CLASP1: variants seen among roughly 807,000 people sequenced by gnomAD.
The protein encoded by CLASP1 is CLIP-associating protein 1.
Under a neutral mutation model 192.3 loss-of-function variants are expected in CLASP1, and 38 were observed. The observed-to-expected ratio is 0.20, with a 90% CI of 0.15 to 0.26. The LOEUF is 0.26. Among genes scored for constraint, CLASP1 ranks in the 10% least tolerant of loss-of-function variants. The probability of loss-of-function intolerance (pLI) is 1.00; values close to 1 mark genes in which losing one functional copy is unlikely to be tolerated. For synonymous variants in CLASP1, 691 were observed against 712.8 expected (o/e 0.97, Z 0.49); for missense variants, 1,433 against 1,932.5 (o/e 0.74, Z 4.85).
intron 16 of CLASP1, 151 bp downstream of exon 16, chr2:121,450,762 A>T (rs887508221): frequency 3.4e-6 from 2 of 581,540 alleles, no homozygotes; most frequent in Admixed American, 6.5e-5. Flanking sequence ...AAAAGAGAGA[A>T]ATATTCCAAA....
At chr2:121,404,533 C>G in intron 25 of CLASP1, 99 bp from the exon 27 acceptor site, 1 of 1,053,326 alleles carries the variant, frequency 9.5e-7, no homozygotes, top group Non-Finnish European at 1.4e-6. Flanking sequence ...GTGGTGCGAT[C>G]ATAGCTCACT....
At chr2:121,553,530 G>A (rs958103624) in intron 2 of CLASP1, among the ~76,000 whole-genome samples, 2 of 134,466 alleles carry the variant, frequency 1.5e-5, no homozygotes, top group Non-Finnish European at 3.2e-5. Flanking sequence ...GGTGAAACCT[G>A]TCTCCACTAA....
chr2:121,639,603 G>A (rs1038744768), intron 1 of CLASP1, among the ~76,000 whole-genome samples: 4 of 152,238 alleles, frequency 2.6e-5, no homozygotes, highest in African/African-American at 9.6e-5. Context: ...GCTCACACCT[G>A]TAATCCCAGC....
intron 8 of CLASP1, among the ~76,000 whole-genome samples, chr2:121,478,812 C>CACACA (rs2092132995): frequency 6.0e-5 from 2 of 33,448 alleles, no homozygotes; most frequent in Non-Finnish European, 1.4e-4. Flanking sequence ...ACACACACAC[C>CACACA]CCACACACAA....
At chr2:121,582,295 A>G (rs868326952) in intron 2 of CLASP1, among the ~76,000 whole-genome samples, 5 of 145,680 alleles carry the variant, frequency 3.4e-5, no homozygotes, top group Admixed American at 1.4e-4. Context: ...GAGAGAGAGA[A>G]AGAGAAAGGG....
intron 7 of CLASP1, among the ~76,000 whole-genome samples, chr2:121,506,868 A>AG (rs1295254113): frequency 1.3e-5 from 2 of 152,228 alleles, no homozygotes; most frequent in African/African-American, 2.4e-5. Context: ...CATATAACAA[A>AG]GAACAAAGAC....
intron 2 of CLASP1, chr2:121,531,060 TA>T: frequency 1.4e-6 from 1 of 696,316 alleles, no homozygotes; most frequent in South Asian, 1.5e-5. Flanking sequence ...AATTCGTAAA[TA>T]AACTAGTACT....
chr2:121,424,604 T>C (rs997215806), intron 22 of CLASP1, among the ~76,000 whole-genome samples: 3 of 152,212 alleles, frequency 2.0e-5, no homozygotes, highest in African/African-American at 7.2e-5. Flanking sequence ...AGAAACTAAG[T>C]AACACAAAAC....
intron 27 of CLASP1, 25 bp downstream of exon 28, chr2:121,401,843 T>C (rs745980137): frequency 1.3e-6 from 1 of 759,690 alleles, no homozygotes; most frequent in East Asian, 2.5e-5. Context: ...AGAAAACAGA[T>C]AAAGGAAAAA....
intron 34 of CLASP1, among the ~76,000 whole-genome samples, chr2:121,374,066 C>G (rs1162521464): frequency 6.6e-6 from 1 of 152,252 alleles, no homozygotes; most frequent in East Asian, 1.9e-4. Flanking sequence ...TTGGCAGCCC[C>G]TCCCATCACA....
At chr2:121,592,299 A>G (rs2062497451) in intron 2 of CLASP1, among the ~76,000 whole-genome samples, 1 of 152,182 alleles carries the variant, frequency 6.6e-6, no homozygotes, top group Non-Finnish European at 1.5e-5. Context: ...ATTTATGAAA[A>G]CTTTCAGGTA....
At chr2:121,409,768 G>T (rs2077430686) in intron 24 of CLASP1, among the ~76,000 whole-genome samples, 1 of 152,176 alleles carries the variant, frequency 6.6e-6, no homozygotes, top group African/African-American at 2.4e-5. Flanking sequence ...AGATAATTCT[G>T]TTCCAGCTCT....
In CLASP1 at chr2:121,370,613, C is replaced by A. The variant is rs539389772; in HGVS notation, c.3643-2782G>T. Among the ~76,000 whole-genome samples, 6 of 152,318 alleles carry A rather than the reference C, an allele frequency of 3.9e-5. No homozygotes were observed. In the South Asian group the frequency reaches 1.2e-3, roughly 32 times the overall value. On this transcript the variant is annotated intron_variant, in intron 34 of 39. Transcript: ENST00000263710. ...GTGCTGGGATTACCAGCATGAGTCACCATGCCTGGTCCATTCTTCGATTTT... is the reference window on the plus strand; with the variant it reads ...GTGCTGGGATTACCAGCATGAGTCAACATGCCTGGTCCATTCTTCGATTTT...
At chr2:121,583,495 T>C (rs2061420925) in intron 2 of CLASP1, among the ~76,000 whole-genome samples, 1 of 152,224 alleles carries the variant, frequency 6.6e-6, no homozygotes, top group African/African-American at 2.4e-5. Flanking sequence ...GGTGATTATC[T>C]TCATGATGTT....
intron 1 of CLASP1, among the ~76,000 whole-genome samples, chr2:121,621,580 A>G (rs2106112827): frequency 6.6e-6 from 1 of 152,326 alleles, no homozygotes; most frequent in Middle Eastern, 3.4e-3. Context: ...TTCTTTCTCC[A>G]CCTAATTGTC....
intron 8 of CLASP1, among the ~76,000 whole-genome samples, chr2:121,493,623 A>T (rs962447223): frequency 2.6e-5 from 4 of 152,162 alleles, no homozygotes; most frequent in African/African-American, 9.7e-5. Context: ...AAGTATGGGC[A>T]ACCAAAGCAA....
At chr2:121,531,089 G>GA (rs759041148) in intron 2 of CLASP1, 1 of 666,784 alleles carries the variant, frequency 1.5e-6, no homozygotes, top group African/African-American at 1.8e-5. Flanking sequence ...TAAACCAGTA[G>GA]AGGGTGCACA....
intron 19 of CLASP1, among the ~76,000 whole-genome samples, chr2:121,430,739 C>A (rs542404434): frequency 6.6e-6 from 1 of 152,050 alleles, no homozygotes; most frequent in South Asian, 2.1e-4. Context: ...ATTTTTAAAG[C>A]ATGTAAGTCA....
intron 8 of CLASP1, among the ~76,000 whole-genome samples, chr2:121,488,544 A>G (rs1312207862): frequency 6.6e-6 from 1 of 152,228 alleles, no homozygotes; most frequent in Non-Finnish European, 1.5e-5. Flanking sequence ...AGACTTGTCT[A>G]AGACAGCAAA....
Sources: gnomAD v4.1 joint callset for allele counts (sites outside exome capture counted in the v4.1 genomes callset) on GRCh38, gnomAD v4.1.1 for gene constraint, MANE v1.5 for transcripts, NCBI Gene and HGNC (gene_info 2026-07-23, HGNC 2026-07-21) for gene names.